CSMD3: variants seen among roughly 807,000 people sequenced by gnomAD.
CSMD3 encodes CUB and sushi domain-containing protein 3.
In CSMD3, 177 loss-of-function variants were observed where a neutral mutation model predicts 435.2. That is an observed-to-expected ratio of 0.41 (90% CI 0.36 to 0.46). The LOEUF is 0.46. Among genes scored for constraint, CSMD3 ranks in the 20% least tolerant of loss-of-function variants. The pLI, the probability that CSMD3 is intolerant of heterozygous loss-of-function variation, is 0.34. For synonymous variants in CSMD3, 1,656 were observed against 1,520.5 expected (o/e 1.09, Z -2.07); for missense variants, 4,265 against 4,504.6 (o/e 0.95, Z 1.52).
chr8:112,861,478 C>A (rs113614929), intron 10 of CSMD3, among the ~76,000 whole-genome samples: 7,347 of 151,866 alleles, frequency 0.048, 233 homozygotes, highest in African/African-American at 0.059. Flanking sequence ...TTACCATACT[C>A]TTTATAATTT....
At chr8:113,377,112 C>T in intron 1 of CSMD3, 1 of 1,264,838 alleles carries the variant, frequency 7.9e-7, no homozygotes, top group Non-Finnish European at 1.0e-6. Context: ...AGGGCTGCGG[C>T]GTCGTCCGGC....
chr8:113,244,374 G>C (rs1185411353), intron 3 of CSMD3, among the ~76,000 whole-genome samples: 1 of 152,164 alleles, frequency 6.6e-6, no homozygotes, highest in African/African-American at 2.4e-5. Flanking sequence ...GGAGTGCAGT[G>C]GCGTGATCTT....
At chr8:112,723,127 A>G (rs979421036) in intron 13 of CSMD3, among the ~76,000 whole-genome samples, 1 of 152,158 alleles carries the variant, frequency 6.6e-6, no homozygotes, top group Non-Finnish European at 1.5e-5. Context: ...AAATGTAATA[A>G]TCATTAACCT....
At chr8:112,580,435 A>G (rs536476094) in intron 23 of CSMD3, among the ~76,000 whole-genome samples, 7 of 151,756 alleles carry the variant, frequency 4.6e-5, no homozygotes, top group African/African-American at 1.7e-4. Flanking sequence ...TTTTTGTAGG[A>G]GGAATAATAG....
At chr8:113,394,670 T>C (rs2094475326) in intron 1 of CSMD3, among the ~76,000 whole-genome samples, 1 of 152,178 alleles carries the variant, frequency 6.6e-6, no homozygotes, top group Non-Finnish European at 1.5e-5. Context: ...TTTGATGCTT[T>C]TGGACTATTC....
intron 38 of CSMD3, among the ~76,000 whole-genome samples, chr8:112,371,455 G>T (rs571167341): frequency 1.3e-5 from 2 of 152,064 alleles, no homozygotes; most frequent in African/African-American, 4.8e-5. Flanking sequence ...TAGCACTGTG[G>T]CATCCCCTAC....
At chr8:113,077,973 A>G (rs1056518016) in intron 5 of CSMD3, among the ~76,000 whole-genome samples, 1 of 152,212 alleles carries the variant, frequency 6.6e-6, no homozygotes, top group Non-Finnish European at 1.5e-5. Context: ...AATGTAAACA[A>G]AAGCATGAAA....
intron 9 of CSMD3, among the ~76,000 whole-genome samples, chr8:112,941,343 G>C (rs566960302): frequency 2.0e-4 from 31 of 151,894 alleles, no homozygotes; most frequent in Non-Finnish European, 4.3e-4. Context: ...AGTACTTTTT[G>C]TATAAGTAGG....
intron 3 of CSMD3, among the ~76,000 whole-genome samples, chr8:113,216,973 G>A (rs2092912850): frequency 6.6e-6 from 1 of 151,692 alleles, no homozygotes; most frequent in African/African-American, 2.4e-5. Context: ...TGGCAACTGA[G>A]GAACAAAAAA....
chr8:113,401,144 T>C (rs919891813), intron 1 of CSMD3, among the ~76,000 whole-genome samples: 20 of 151,742 alleles, frequency 1.3e-4, no homozygotes, highest in African/African-American at 4.8e-4. Flanking sequence ...GGAACACTGT[T>C]AGAAATATTA....
At chr8:113,062,246 T>C (rs565544092) in intron 5 of CSMD3, among the ~76,000 whole-genome samples, 1 of 151,994 alleles carries the variant, frequency 6.6e-6, no homozygotes, top group East Asian at 1.9e-4. Flanking sequence ...GTTACATATA[T>C]ACACACTAAA....
intron 1 of CSMD3, among the ~76,000 whole-genome samples, chr8:113,367,290 A>G (rs1036383792): frequency 2.0e-5 from 3 of 151,980 alleles, no homozygotes; most frequent in Non-Finnish European, 2.9e-5. Context: ...GGAATAACAT[A>G]TTCTTTTTTA....
chr8:113,171,299 T>C (rs1226412484), intron 4 of CSMD3, among the ~76,000 whole-genome samples: 1 of 152,024 alleles, frequency 6.6e-6, no homozygotes, highest in Non-Finnish European at 1.5e-5. Context: ...GCTTCCAAAA[T>C]AATTCAATTA....
chr8:113,414,281 C>A (rs2094571833), intron 1 of CSMD3, among the ~76,000 whole-genome samples: 1 of 152,046 alleles, frequency 6.6e-6, no homozygotes, highest in South Asian at 2.1e-4. Context: ...AACAAATATT[C>A]TTTCTGTTAA....
chr8:112,971,837 T>C (rs542156573), intron 7 of CSMD3, among the ~76,000 whole-genome samples: 169 of 152,194 alleles, frequency 1.1e-3, no homozygotes, highest in African/African-American at 3.9e-3. Flanking sequence ...AATTTTCTGC[T>C]ACTGAGAAAA....
intron 4 of CSMD3, among the ~76,000 whole-genome samples, chr8:113,119,503 T>A (rs2090926340): frequency 6.6e-6 from 1 of 152,108 alleles, no homozygotes. Context: ...CAGTTTGAGA[T>A]GTTAAAAACA....
chr8:113,113,400 C>T (rs563816269), intron 4 of CSMD3, among the ~76,000 whole-genome samples: 295 of 152,234 alleles, frequency 1.9e-3, no homozygotes, highest in Non-Finnish European at 3.6e-3. Context: ...GAATAAATTT[C>T]TATTCCACAT....
At chr8:112,644,503 T>C (rs1051454088) in intron 20 of CSMD3, among the ~76,000 whole-genome samples, 3 of 152,066 alleles carry the variant, frequency 2.0e-5, no homozygotes, top group South Asian at 2.1e-4. Flanking sequence ...GAACCATGTT[T>C]AATACTACAG....
chr8:113,288,587 T>C (rs942644976), intron 2 of CSMD3, among the ~76,000 whole-genome samples: 7 of 151,872 alleles, frequency 4.6e-5, no homozygotes, highest in African/African-American at 7.2e-5. Flanking sequence ...TCTTGAATCA[T>C]TGAGAAAACT....
Sources: gnomAD v4.1 joint callset for allele counts (sites outside exome capture counted in the v4.1 genomes callset) on GRCh38, gnomAD v4.1.1 for gene constraint, MANE v1.5 for transcripts, NCBI Gene and HGNC (gene_info 2026-07-23, HGNC 2026-07-21) for gene names.